WDR5: variants seen among roughly 807,000 people sequenced by gnomAD.
WDR5 encodes WD repeat-containing protein 5.
For missense variants in WDR5, 187 were observed against 416.9 expected (o/e 0.45, Z 4.80); for synonymous variants, 144 against 161.6 (o/e 0.89, Z 0.83).
chr9:134,144,161 C>T (rs573533089), intron 7 of WDR5, among the ~76,000 whole-genome samples: 21 of 152,376 alleles, frequency 1.4e-4, no homozygotes, highest in African/African-American at 2.4e-4. Flanking sequence ...GGCGGGGCTG[C>T]GGGGTCTGAG....
At position 134,154,602 on chromosome 9, in the gene WDR5, G is replaced by A. The variant is rs180936091; in HGVS notation, c.707+61G>A. 713 of 1,566,492 alleles carry A rather than the reference G, an allele frequency of 4.6e-4. 6 individuals carry two copies. In the East Asian group the frequency reaches 0.014, roughly 32 times the overall value. ...GGCCTCCCCAGCCAGAGACACCTGC[G>A]TGCCAGCGTGAGCCTTTGGAGAGCG... On this transcript the variant is annotated intron_variant, in intron 10 of 13. Transcript: ENST00000358625.
chr9:134,148,489 A>T (rs1219852594), intron 8 of WDR5, 146 bp downstream of exon 8: 17 of 615,604 alleles, frequency 2.8e-5, no homozygotes, highest in East Asian at 7.0e-5. Context: ...CGCTGCAGAC[A>T]TGTTAGCAGA....
At chr9:134,141,455 A>G in intron 3 of WDR5, 55 bp from the exon 4 acceptor site, 1 of 1,579,996 alleles carries the variant, frequency 6.3e-7, no homozygotes, top group African/African-American at 1.3e-5. Context: ...TGGACTCTGG[A>G]TGACTAGACA....
intron 10 of WDR5, among the ~76,000 whole-genome samples, chr9:134,155,127 A>G (rs1832689072): frequency 6.6e-6 from 1 of 152,190 alleles, no homozygotes; most frequent in Non-Finnish European, 1.5e-5. Flanking sequence ...TGGAACTACA[A>G]ATACTTGCGG....
intron 9 of WDR5, among the ~76,000 whole-genome samples, chr9:134,152,778 C>T (rs1291615178): frequency 6.6e-6 from 1 of 152,194 alleles, no homozygotes; most frequent in Non-Finnish European, 1.5e-5. Context: ...GAGACCAAGC[C>T]CCACAGGCTG....
Position 134,136,132 on chromosome 9 carries a change from C to T in WDR5, c.-127C>T, listed in dbSNP as rs1340823342. 6.7e-6 allele frequency: 1 copy of T among 148,662 alleles called. No homozygotes were observed. Among genetic ancestry groups the T allele is most frequent in the East Asian group, 2.0e-4 (1 of 5,054 alleles). 9.2% of individuals were successfully genotyped at this position (148,662 alleles called of 1,614,324 possible). Reference sequence around the variant, plus strand: ...AGCTGCCGCCTTGTCGAGCTGAGTCCGCGCTCCCGCCCAGGCGGCGGCCGA... The same window carrying T: ...AGCTGCCGCCTTGTCGAGCTGAGTCTGCGCTCCCGCCCAGGCGGCGGCCGA... On this transcript the variant is annotated 5_prime_UTR_variant, in exon 1 of 14. Coordinates refer to ENST00000358625, the MANE Select transcript of WDR5 (RefSeq NM_017588.3).
intron 7 of WDR5, 52 bp from the exon 8 acceptor site, chr9:134,148,236 T>C: frequency 9.6e-7 from 1 of 1,044,276 alleles, no homozygotes; most frequent in Non-Finnish European, 1.4e-6. Context: ...AGCAGTTGTG[T>C]CCCTGACTTG....
intron 10 of WDR5, 104 bp from the exon 11 acceptor site, chr9:134,155,236 C>T: frequency 2.2e-6 from 3 of 1,368,256 alleles, no homozygotes; most frequent in South Asian, 1.7e-5. Context: ...CTGGCTTTTG[C>T]ACCTGGCGCT....
chr9:134,141,602 C>A lies in WDR5; in HGVS notation c.264+19C>A, dbSNP rs202088090. On this transcript the variant is annotated intron_variant, in intron 4 of 13. Transcript: ENST00000358625. The stretch of plus-strand genomic sequence containing the variant: ...CAAGCTGGTAGGTTTCAGCCCTGTG[C>A]GGTGAAGTTGACTGTTGAACAGGGT... The A allele has an allele frequency of 3.7e-6, 6 of 1,613,544 alleles. No homozygotes were observed. Among genetic ancestry groups the A allele is most frequent in the African/African-American group, 1.3e-5 (1 of 74,922 alleles).
chr9:134,146,236 G>A (rs1281894478), intron 7 of WDR5, among the ~76,000 whole-genome samples: 1 of 150,476 alleles, frequency 6.6e-6, no homozygotes, highest in Non-Finnish European at 1.5e-5. Context: ...TGAAGTGCTG[G>A]GTCTTTTTTT....
In WDR5 at chr9:134,139,837, G is replaced by C. The variant is rs747045855; in HGVS notation, c.-41G>C. 6.2e-7 allele frequency: 1 copy of C among 1,609,900 alleles called. No homozygotes were observed. The highest frequency in any genetic ancestry group is 8.5e-7 in the Non-Finnish European group (1 of 1,177,114). ...CTCAACAGACTGCCTCTGTCACCGG[G>C]TCCCTCCACCCTTGTCTCCTGTGCG... On this transcript the variant is annotated 5_prime_UTR_variant, in exon 2 of 14. Coordinates refer to ENST00000358625, the MANE Select transcript of WDR5 (RefSeq NM_017588.3).
intron 8 of WDR5, among the ~76,000 whole-genome samples, chr9:134,149,216 G>A (rs1403890366): frequency 6.6e-6 from 1 of 152,226 alleles, no homozygotes; most frequent in Non-Finnish European, 1.5e-5. Flanking sequence ...TTGAGAAGAC[G>A]GGTCTGGTGG....
chr9:134,148,184 G>A (rs1832304411), intron 7 of WDR5, 104 bp from the exon 8 acceptor site: 2 of 739,040 alleles, frequency 2.7e-6, no homozygotes, highest in South Asian at 3.5e-5. Context: ...ACATAACTCA[G>A]TCTTTTTTTT....
At chr9:134,155,268 G>A in intron 10 of WDR5, 72 bp from the exon 11 acceptor site, 1 of 1,468,898 alleles carries the variant, frequency 6.8e-7, no homozygotes, top group Non-Finnish European at 9.0e-7. Context: ...TGACGTAGTG[G>A]CTGCAGAGTT....
At chr9:134,152,061 G>A in intron 9 of WDR5, 32 bp downstream of exon 9, 1 of 1,610,764 alleles carries the variant, frequency 6.2e-7, no homozygotes, top group Middle Eastern at 1.7e-4. Flanking sequence ...GGCTGGGTCT[G>A]TGGGGAGGGC....
At chr9:134,148,186 CTTTTTTTTTTTTT>C in intron 7 of WDR5, 89 bp from the exon 8 acceptor site, 8 of 283,428 alleles carry the variant, frequency 2.8e-5, no homozygotes, top group Non-Finnish European at 5.2e-5. Context: ...ATAACTCAGT[CTTTTTTTTTTTTT>C]TTTTTTTTTT....
chr9:134,145,094 T>TCG (rs1277295760), intron 7 of WDR5, among the ~76,000 whole-genome samples: 2 of 103,704 alleles, frequency 1.9e-5, no homozygotes, highest in African/African-American at 7.7e-5. Flanking sequence ...TTGTGGGGCT[T>TCG]TGTTTTTTTT....
chr9:134,144,691 T>G (rs1422647882), intron 7 of WDR5, among the ~76,000 whole-genome samples: 1 of 151,778 alleles, frequency 6.6e-6, no homozygotes, highest in East Asian at 1.9e-4. Flanking sequence ...AAAGCAAAAA[T>G]TAGCCGGGCG....
At position 134,155,731 on chromosome 9, in the gene WDR5, C is replaced by T; in HGVS notation, c.780C>T (p.Tyr260=). The change falls in exon 12 of 14, where the codon TAC becomes TAT. Residue 260 remains tyrosine, a synonymous_variant. Transcript: ENST00000358625. The part of the protein sequence containing the change: ...KTYTGHKNEK[Y]CIFANFSVTG... ...ACACTGGCCACAAGAATGAGAAATA[C>T]TGCATATTTGCCAATTTCTCTGTTA... is the stretch of plus-strand genomic sequence containing the variant. 2 of 1,614,190 alleles carry T rather than the reference C, an allele frequency of 1.2e-6. No individual in the cohort carries two copies. The highest frequency in any genetic ancestry group is 1.7e-6 in the Non-Finnish European group (2 of 1,180,036).
Sources: allele counts gnomAD v4.1 joint callset (sites outside exome capture counted in the v4.1 genomes callset), GRCh38; gene constraint gnomAD v4.1.1; transcripts MANE v1.5; gene names NCBI Gene and HGNC (gene_info 2026-07-23, HGNC 2026-07-21).